The following MYO1E variants were observed in gnomAD, a reference collection of about 807,000 sequenced individuals.
The protein encoded by MYO1E is unconventional myosin-Ie.
Under a neutral mutation model 151.1 loss-of-function variants are expected in MYO1E, and 68 were observed. That is an observed-to-expected ratio of 0.45 (90% CI 0.37 to 0.55). The LOEUF is 0.55. Among genes scored for constraint, MYO1E ranks in the 20% least tolerant of loss-of-function variants. The pLI, the probability that MYO1E is intolerant of heterozygous loss-of-function variation, is 0.00. For missense variants in MYO1E, 1,363 were observed against 1,389.3 expected (o/e 0.98, Z 0.30); for synonymous variants, 601 against 501.7 (o/e 1.20, Z -2.64).
At position 59,174,217 on chromosome 15, in the gene MYO1E, T is replaced by C. The variant is rs1392378011; in HGVS notation, c.2073A>G (p.Arg691=). The change falls in exon 20 of 28, where the codon AGA becomes AGG. Residue 691 remains arginine, a synonymous_variant. Transcript: ENST00000288235. ...PESLFLLEEM[R]ERKYDGYARV... ...GAGCATACCCATCATACTTTCTCTC[T>C]CTCATCTCTTCTAAAAGAAATAGCT... 3 of 1,613,396 alleles carry C rather than the reference T, an allele frequency of 1.9e-6. No homozygotes were observed. Among genetic ancestry groups the C allele is most frequent in the Non-Finnish European group, 2.5e-6 (3 of 1,179,506 alleles).
rs539409904 is a variant in MYO1E, at chr15:59,279,142, G to A, written c.4-6693C>T. 9.9e-5 allele frequency among the ~76,000 whole-genome samples: 15 copies of A among 152,226 alleles called. No individual in the cohort carries two copies. The South Asian group carries it at 2.9e-3, about 30-fold the overall frequency. ...CCTTTCATCCCTGAGACCTGACACA[G>A]GGATTTCTGACTTCCTTTTCTCTGC... On this transcript the variant is annotated intron_variant, in intron 1 of 27. Transcript: ENST00000288235.
At chr15:59,321,562 T>G (rs550276735) in intron 1 of MYO1E, among the ~76,000 whole-genome samples, 11 of 152,146 alleles carry the variant, frequency 7.2e-5, no homozygotes, top group Non-Finnish European at 1.6e-4. Flanking sequence ...GCTATTATCA[T>G]AAGCAAATTA....
At chr15:59,364,884 G>A (rs2080904444) in intron 1 of MYO1E, among the ~76,000 whole-genome samples, 2 of 152,066 alleles carry the variant, frequency 1.3e-5, no homozygotes, top group African/African-American at 4.8e-5. Context: ...ACTCCAGCCT[G>A]GGCGACAGAG....
At position 59,173,494 on chromosome 15, in the gene MYO1E, AT is replaced by A. The variant is rs796489582; in HGVS notation, c.2334+251del. On this transcript the variant is annotated intron_variant, in intron 21 of 27. Transcript: ENST00000288235. ...TAAAACAGCATGTAATGTATATCTC[AT>A]TTTTTGTAAAACTAAATACGCAAAT... Among the ~76,000 whole-genome samples, 73 of 152,342 alleles carry A rather than the reference AT, an allele frequency of 4.8e-4. 1 individual carries two copies. The highest frequency in any genetic ancestry group is 1.7e-3 in the African/African-American group (70 of 41,580).
intron 26 of MYO1E, among the ~76,000 whole-genome samples, chr15:59,143,656 C>G (rs533250624): frequency 2.6e-5 from 4 of 152,336 alleles, no homozygotes; most frequent in African/African-American, 9.6e-5. Context: ...TTCACAGATG[C>G]TGCTTCATTT....
intron 1 of MYO1E, among the ~76,000 whole-genome samples, chr15:59,361,891 C>T (rs1470567448): frequency 1.3e-5 from 2 of 151,846 alleles, no homozygotes; most frequent in African/African-American, 4.8e-5. Flanking sequence ...GGCTGGAGTA[C>T]AGTGGAATGA....
intron 1 of MYO1E, among the ~76,000 whole-genome samples, chr15:59,311,783 T>C (rs913278348): frequency 1.3e-5 from 2 of 152,192 alleles, no homozygotes; most frequent in Admixed American, 1.3e-4. Context: ...ATGAGGACTC[T>C]GCCCTCATAA....
rs200544334 is a variant in MYO1E, at chr15:59,138,354, T to G, written c.3094A>C (p.Thr1032Pro). Residue 1032 changes from threonine (T) to proline (P), a missense_variant, in exon 27 of 28, where the codon ACA becomes CCA. Physicochemically the swap from Thr to Pro is conservative, Grantham distance 38. Coordinates refer to ENST00000288235, the MANE Select transcript of MYO1E (RefSeq NM_004998.4). The part of the protein sequence containing the change: ...DQGAAGVRRQ[T>P]TSRPPPAGGR... ...CCTGCTGGGGGAGGCCGACTGGTTG[T>G]TTGTCTCCTGACCCTGTGGAGAGAG... The G allele has an allele frequency of 2.0e-5, 33 of 1,613,904 alleles. No individual in the cohort carries two copies. Among genetic ancestry groups the G allele is most frequent in the Non-Finnish European group, 2.4e-5 (28 of 1,179,942 alleles).
intron 1 of MYO1E, among the ~76,000 whole-genome samples, chr15:59,333,645 G>A (rs1409156877): frequency 6.6e-6 from 1 of 152,180 alleles, no homozygotes; most frequent in Non-Finnish European, 1.5e-5. Flanking sequence ...CCATTGGTGA[G>A]TGGGTATCCT....
chr15:59,190,262 C>T (rs1339282345), intron 17 of MYO1E, among the ~76,000 whole-genome samples: 1 of 152,166 alleles, frequency 6.6e-6, no homozygotes, highest in African/African-American at 2.4e-5. Flanking sequence ...CAGGATTGTG[C>T]TGCAGTAGGG....
intron 1 of MYO1E, among the ~76,000 whole-genome samples, chr15:59,335,132 T>A (rs2080720647): frequency 6.6e-6 from 1 of 152,246 alleles, no homozygotes; most frequent in Admixed American, 6.5e-5. Context: ...TTGTGGCATC[T>A]AAGCCTACTC....
At chr15:59,153,360 A>G (rs1296872852) in intron 26 of MYO1E, among the ~76,000 whole-genome samples, 7 of 152,234 alleles carry the variant, frequency 4.6e-5, no homozygotes, top group Admixed American at 2.0e-4. Flanking sequence ...GATGTTTCCA[A>G]GATAAGCCCT....
At chr15:59,314,735 G>A (rs1477180736) in intron 1 of MYO1E, among the ~76,000 whole-genome samples, 1 of 151,958 alleles carries the variant, frequency 6.6e-6, no homozygotes, top group South Asian at 2.1e-4. Flanking sequence ...TGGATACCAG[G>A]GATGTAGCTA....
At chr15:59,344,889 G>A (rs1432157218) in intron 1 of MYO1E, among the ~76,000 whole-genome samples, 1 of 152,076 alleles carries the variant, frequency 6.6e-6, no homozygotes, top group African/African-American at 2.4e-5. Context: ...GAATCAATAG[G>A]TACTAAAAGA....
intron 1 of MYO1E, among the ~76,000 whole-genome samples, chr15:59,363,997 C>A (rs527824688): frequency 3.3e-5 from 5 of 152,104 alleles, no homozygotes; most frequent in Non-Finnish European, 7.4e-5. Context: ...AGGCTGGTCT[C>A]GAACTCCTGA....
intron 4 of MYO1E, 108 bp downstream of exon 4, chr15:59,256,175 AG>A: frequency 1.3e-6 from 1 of 794,616 alleles, no homozygotes; most frequent in South Asian, 1.4e-5. Flanking sequence ...CACATTAACC[AG>A]GCTGTGACAT....
At chr15:59,302,337 T>C (rs1435095237) in intron 1 of MYO1E, among the ~76,000 whole-genome samples, 1 of 152,206 alleles carries the variant, frequency 6.6e-6, no homozygotes, top group Non-Finnish European at 1.5e-5. Flanking sequence ...ACATGCCATC[T>C]TGAAATGGCA....
chr15:59,195,666 A>C, intron 16 of MYO1E, 99 bp from the exon 17 acceptor site: 1 of 1,135,062 alleles, frequency 8.8e-7, no homozygotes, highest in Admixed American at 1.7e-5. Flanking sequence ...ATACATAGCT[A>C]GGAATTAATC....
intron 1 of MYO1E, among the ~76,000 whole-genome samples, chr15:59,369,520 A>G (rs1459053224): frequency 6.6e-6 from 1 of 152,200 alleles, no homozygotes; most frequent in Non-Finnish European, 1.5e-5. Flanking sequence ...CCCAGATTCT[A>G]CGAAGGAAGC....
Sources: allele counts gnomAD v4.1 joint callset (sites outside exome capture counted in the v4.1 genomes callset), GRCh38; gene constraint gnomAD v4.1.1; transcripts MANE v1.5; gene names NCBI Gene and HGNC (gene_info 2026-07-23, HGNC 2026-07-21).